USP49: variants seen among roughly 807,000 people sequenced by gnomAD.
USP49 encodes ubiquitin carboxyl-terminal hydrolase 49.
USP49 carries 24 observed loss-of-function variants against 58.6 expected under a neutral mutation model. The ratio of observed to expected loss-of-function variants is 0.41; its 90% CI spans 0.30 to 0.58. USP49 has a LOEUF of 0.58. USP49 is among the 20% of genes least tolerant of loss of function. The pLI is 0.30. For synonymous variants in USP49, 408 were observed against 365.1 expected, an observed-to-expected ratio of 1.12 and a Z score of -1.34; for missense variants, 703 against 866.1, an observed-to-expected ratio of 0.81 and a Z score of 2.36.
chr6:41,837,629 G>GAAC (rs753127786), intron 3 of USP49, among the ~76,000 whole-genome samples: 4 of 152,096 alleles, frequency 2.6e-5, no homozygotes, highest in East Asian at 3.9e-4. Flanking sequence ...GCATAGCAAA[G>GAAC]AACAACAACA....
In USP49 at chr6:41,806,665, G is replaced by A; in HGVS notation, c.319C>T (p.Gln107Ter). The change falls in exon 4 of 8, where the codon CAG becomes TAG. Residue 107 changes from glutamine (Q) to a stop codon, truncating the protein, a stop_gained. Coordinates refer to ENST00000682992, the MANE Select transcript of USP49 (RefSeq NM_001286554.2). LOFTEE classifies it high-confidence loss of function. This position sits in a 1 kb window ranked among gnomAD's most constrained non-coding sequence, Gnocchi z 5.9. The part of the protein sequence containing the change: ...SSLLAVRGQK[Q>*]DTPVRRGRTL... ...CGCCCACGTCTCACCGGCGTGTCCT[G>A]TTTCTGGCCCCGGACCGCCAGGAGG... 6.2e-7 allele frequency: 1 copy of A among 1,614,116 alleles called. No homozygotes were observed. The highest frequency in any genetic ancestry group is 8.5e-7 in the Non-Finnish European group (1 of 1,180,050).
At chr6:41,840,485 G>T (rs965166386) in intron 3 of USP49, among the ~76,000 whole-genome samples, 8 of 152,044 alleles carry the variant, frequency 5.3e-5, no homozygotes, top group Admixed American at 3.3e-4. Context: ...TTCTCTTAGA[G>T]AAGTTGGCAC....
rs1313655417 is a variant in USP49, at chr6:41,793,065, C to G, written c.*3468G>C. 1.3e-5 allele frequency: 2 copies of G among 151,950 alleles called. No individual in the cohort carries two copies. The highest frequency in any genetic ancestry group is 4.8e-5 in the African/African-American group (2 of 41,338). The allele number at this position is 151,950 out of a possible 1,614,324, so 9.4% of individuals were successfully genotyped here. ...CAGCCAATCCACCTCATTGGTTCTT[C>G]CCTTGTACTTGGATGAAGCTGTAAG... On this transcript the variant is annotated 3_prime_UTR_variant, in exon 8 of 8. Coordinates refer to ENST00000682992, the MANE Select transcript of USP49 (RefSeq NM_001286554.2).
chr6:41,893,318 G>A (rs1774839776), intron 1 of USP49, among the ~76,000 whole-genome samples: 1 of 152,142 alleles, frequency 6.6e-6, no homozygotes, highest in Non-Finnish European at 1.5e-5. Flanking sequence ...AAAGCCCTCA[G>A]CTCTGATTTA....
At chr6:41,807,886 G>GC (rs1180685140) in intron 3 of USP49, among the ~76,000 whole-genome samples, 10 of 149,960 alleles carry the variant, frequency 6.7e-5, no homozygotes, top group Middle Eastern at 7.3e-3. Context: ...CGATTCTCCT[G>GC]CCTCAGCCTC....
intron 2 of USP49, among the ~76,000 whole-genome samples, chr6:41,888,513 G>A (rs369332790): frequency 4.6e-4 from 70 of 152,232 alleles, no homozygotes; most frequent in Middle Eastern, 3.4e-3. Flanking sequence ...GAGTACAACA[G>A]CACGATCTCA....
chr6:41,842,349 G>C (rs1171671358), intron 3 of USP49, among the ~76,000 whole-genome samples: 1 of 151,968 alleles, frequency 6.6e-6, no homozygotes, highest in Admixed American at 6.6e-5. Context: ...CTCCAGCCTG[G>C]GTGACAGAGT....
rs971671929 is a variant in USP49, at chr6:41,796,317, C to T, written c.*216G>A. 2.1e-6 allele frequency: 1 copy of T among 481,584 alleles called. No individual in the cohort carries two copies. Among genetic ancestry groups the T allele is most frequent in the Non-Finnish European group, 3.7e-6 (1 of 269,134 alleles). The allele number at this position is 481,584 out of a possible 1,614,324, so 29.8% of individuals were successfully genotyped here. A position where few individuals can be genotyped will look rare whatever the true frequency, so the allele number is the denominator to read the frequency against. Reference sequence around the variant, plus strand: ...GATGAAAGGATCTTCATAGAAGTTACTTCTTTTGTTTTTAGGAAAGGAGGG... The same window carrying T: ...GATGAAAGGATCTTCATAGAAGTTATTTCTTTTGTTTTTAGGAAAGGAGGG... On this transcript the variant is annotated 3_prime_UTR_variant, in exon 8 of 8. Coordinates refer to ENST00000682992, the MANE Select transcript of USP49 (RefSeq NM_001286554.2).
intron 3 of USP49, among the ~76,000 whole-genome samples, chr6:41,821,141 CCAT>C (rs1379385155): frequency 1.3e-5 from 2 of 152,304 alleles, no homozygotes; most frequent in Admixed American, 6.5e-5. Flanking sequence ...TTCATTTTTA[CCAT>C]CATTTCTAGT....
In USP49 at chr6:41,809,880, G is replaced by C. The variant is rs1432835013; in HGVS notation, c.-28-2869C>G. Among the ~76,000 whole-genome samples the C allele has an allele frequency of 4.7e-5, 7 of 149,814 alleles. No individual in the cohort carries two copies. In the East Asian group the frequency reaches 1.4e-3, roughly 30 times the overall value. ...AAAATAAAGAAAATAGGCCGGGCGC[G>C]GTGGCTCACGCCTGTAATCCCAGCA... On this transcript the variant is annotated intron_variant, in intron 3 of 7. Transcript: ENST00000682992.
In USP49 at chr6:41,802,456, A is replaced by ATTTTTTTTTTTTT. The variant is rs1186521851; in HGVS notation, c.1561+1349_1561+1350insAAAAAAAAAAAAA. ...TATTTATTTATTTATTTATTTATTT[A>ATTTTTTTTTTTTT]TTTATTTATTTATTTTTTATTTATT... On this transcript the variant is annotated intron_variant, in intron 5 of 7. Transcript: ENST00000682992. Among the ~76,000 whole-genome samples, 8 of 70,278 alleles carry ATTTTTTTTTTTTT rather than the reference A, an allele frequency of 1.1e-4. 1 individual carries two copies. The highest frequency in any genetic ancestry group is 2.9e-4 in the African/African-American group (5 of 17,136). The allele number at this position is 70,278 out of a possible 152,430, so 46.1% of individuals were successfully genotyped here. A position where few individuals can be genotyped will look rare whatever the true frequency, so the allele number is the denominator to read the frequency against.
At chr6:41,818,309 T>TC (rs1773392460) in intron 3 of USP49, among the ~76,000 whole-genome samples, 1 of 152,136 alleles carries the variant, frequency 6.6e-6, no homozygotes. Flanking sequence ...CATATTAAAT[T>TC]CAAGGATTCT....
chr6:41,803,673 G>A lies in USP49; in HGVS notation c.1561+133C>T. The A allele has an allele frequency of 1.0e-6, 1 of 1,004,388 alleles. No homozygotes were observed. The highest frequency in any genetic ancestry group is 1.5e-6 in the Non-Finnish European group (1 of 685,068). The allele number at this position is 1,004,388 out of a possible 1,614,324, so 62.2% of individuals were successfully genotyped here. ...TGTTTTTAGAAAAATGGGAGAAAAA[G>A]ATCTTTAAAAGATGCTTTAGAACCA... is the stretch of plus-strand genomic sequence containing the variant. On this transcript the variant is annotated intron_variant, in intron 5 of 7. Transcript: ENST00000682992. This position sits in a 1 kb window ranked among gnomAD's most constrained non-coding sequence, Gnocchi z 4.1.
In USP49 at chr6:41,883,540, C is replaced by T. The variant is rs532427348; in HGVS notation, c.-103+8254G>A. On this transcript the variant is annotated intron_variant, in intron 2 of 7. Coordinates refer to ENST00000682992, the MANE Select transcript of USP49 (RefSeq NM_001286554.2). ...GTACACGCCTGTAATCCCAGCTACA[C>T]GGGAGGCTGAGGCAGGAGAATAGCT... 4.1e-3 allele frequency among the ~76,000 whole-genome samples: 616 copies of T among 151,728 alleles called. 4 individuals are homozygous for T. Among genetic ancestry groups the T allele is most frequent in the African/African-American group, 0.014 (581 of 41,378 alleles).
intron 3 of USP49, among the ~76,000 whole-genome samples, chr6:41,863,439 A>G (rs1297449003): frequency 2.0e-5 from 3 of 152,184 alleles, no homozygotes; most frequent in African/African-American, 7.2e-5. Context: ...TTTAATTGCT[A>G]GTGGATCTTG....
At chr6:41,804,574 G>A (rs1398782379) in intron 4 of USP49, among the ~76,000 whole-genome samples, 2 of 152,158 alleles carry the variant, frequency 1.3e-5, no homozygotes, top group African/African-American at 4.8e-5. Context: ...GACAGAAGAA[G>A]TGCTGATAAA....
chr6:41,853,094 G>A (rs1225178007), intron 3 of USP49, among the ~76,000 whole-genome samples: 1 of 152,152 alleles, frequency 6.6e-6, no homozygotes, highest in Non-Finnish European at 1.5e-5. Context: ...GCTAAGGCAG[G>A]AGAATCGCTT....
intron 2 of USP49, among the ~76,000 whole-genome samples, chr6:41,878,525 A>G (rs1774543160): frequency 6.6e-6 from 1 of 152,156 alleles, no homozygotes; most frequent in African/African-American, 2.4e-5. Context: ...CACAAAAATC[A>G]CCTTCTATAT....
At chr6:41,882,999 C>G (rs1774639305) in intron 2 of USP49, among the ~76,000 whole-genome samples, 1 of 151,818 alleles carries the variant, frequency 6.6e-6, no homozygotes, top group Non-Finnish European at 1.5e-5. Flanking sequence ...GGTCCAAAAC[C>G]AACCAGGGAT....
Sources: gnomAD v4.1 joint callset for allele counts (sites outside exome capture counted in the v4.1 genomes callset) on GRCh38, gnomAD v4.1.1 for gene constraint, Gnocchi (gnomAD v3.1) non-coding constraint, MANE v1.5 for transcripts, NCBI Gene and HGNC (gene_info 2026-07-23, HGNC 2026-07-21) for gene names.